Variants in TGM7 observed in about 807,000 individuals in gnomAD.
The protein encoded by TGM7 is protein-glutamine gamma-glutamyltransferase Z.
TGM7 carries 74 observed loss-of-function variants against 79.5 expected under a neutral mutation model. The observed-to-expected ratio is 0.93, with a 90% CI of 0.77 to 1.13. TGM7 has a LOEUF of 1.13. Among genes scored for constraint, TGM7 ranks in the 50% most tolerant of loss-of-function variants. The pLI, the probability that TGM7 is intolerant of heterozygous loss-of-function variation, is 0.00. For synonymous variants in TGM7, 354 were observed against 362.5 expected (o/e 0.98, Z 0.27); for missense variants, 912 against 905.9 (o/e 1.01, Z -0.09).
rs759074799 is a variant in TGM7 at position 43,287,280 on chromosome 15, C to T, written c.865G>A (p.Val289Ile). The change falls in exon 6 of 13, where the codon GTA becomes ATA. Residue 289 changes from valine to isoleucine, a missense_variant and splice_region_variant. By Grantham distance (29) the Val-to-Ile change is conservative. Coordinates refer to ENST00000452443, the MANE Select transcript of TGM7 (RefSeq NM_052955.3). ...CCTAAGTGAGTGATCTTTCGCTCAC[C>T]GGTGCACATAACAGAGGCGAAGACC... ...CWVFASVMCTVMRCLGVPTRV... is the reference protein window; with the variant it reads ...CWVFASVMCTIMRCLGVPTRV... The T allele has an allele frequency of 5.6e-6, 9 of 1,612,304 alleles. No homozygotes were observed. The highest frequency in any genetic ancestry group is 2.7e-5 in the African/African-American group (2 of 74,850).
At chr15:43,292,579 T>C (rs1191583820) in intron 3 of TGM7, 130 bp downstream of exon 3, 2 of 1,174,222 alleles carry the variant, frequency 1.7e-6, no homozygotes, top group Non-Finnish European at 2.4e-6. Context: ...GTAAAGATGA[T>C]TTTTGTGAGA....
intron 2 of TGM7, 47 bp downstream of exon 2, chr15:43,293,402 C>A: frequency 6.5e-7 from 1 of 1,537,330 alleles, no homozygotes; most frequent in South Asian, 1.2e-5. Flanking sequence ...CTGTAAATGC[C>A]CTCATTTTGA....
Position 43,292,929 on chromosome 15 carries a change from C to T in TGM7, c.219G>A (p.Gly73=), listed in dbSNP as rs1214773478. 6.2e-7 allele frequency: 1 copy of T among 1,613,384 alleles called. No homozygotes were observed. The highest frequency in any genetic ancestry group is 1.7e-5 in the Admixed American group (1 of 60,012). The stretch of plus-strand genomic sequence containing the variant: ...GGGTGAGGAAGAATGTGGCTCGGGT[C>T]CCCAGCAGCTCTGACGGCTTGGGTC... The part of the protein sequence containing the change: ...ETGPKPSELL[G]TRATFFLTRV... Residue 73 remains glycine, a synonymous_variant, in exon 3 of 13, where the codon GGG becomes GGA. Coordinates refer to ENST00000452443, the MANE Select transcript of TGM7 (RefSeq NM_052955.3).
chr15:43,277,085 C>A (rs1412963186), intron 11 of TGM7, 90 bp from the exon 12 acceptor site: 5 of 1,524,040 alleles, frequency 3.3e-6, no homozygotes, highest in South Asian at 1.2e-5. Flanking sequence ...TCCCTGGCGA[C>A]CACCAGGAAC....
In TGM7 at chr15:43,281,881, C is replaced by T. The variant is rs1389309299; in HGVS notation, c.1314G>A (p.Gln438=). 2 of 1,614,226 alleles carry T rather than the reference C, an allele frequency of 1.2e-6. No homozygotes were observed. Among genetic ancestry groups the T allele is most frequent in the Non-Finnish European group, 1.7e-6 (2 of 1,180,030 alleles). ...EISTKMVGSD[Q]RQSITSSYKY... ...TGTAGGAGCTGGTGATGCTCTGGCG[C>T]TGGTCTGACCCCACCATCTTAGTGC... Residue 438 remains glutamine, a synonymous_variant, in exon 9 of 13, where the codon CAG becomes CAA. Transcript: ENST00000452443.
At chr15:43,287,713 C>A in intron 4 of TGM7, 44 bp from the exon 5 acceptor site, 2 of 1,577,508 alleles carry the variant, frequency 1.3e-6, no homozygotes, top group Non-Finnish European at 1.7e-6. Flanking sequence ...GAGCAAATGT[C>A]TAGACTTCTG....
intron 3 of TGM7, 78 bp from the exon 4 acceptor site, chr15:43,292,175 C>A: frequency 1.0e-6 from 1 of 984,682 alleles, no homozygotes; most frequent in South Asian, 1.4e-5. Flanking sequence ...ACAGTAACGA[C>A]AACGTGTTTC....
rs746157324 is a variant in TGM7, at chr15:43,292,892, C to T, written c.256G>A (p.Gly86Arg). Reference protein sequence around the residue: ...ATFFLTRVQPGNVWSASDFTI... With the variant: ...ATFFLTRVQPRNVWSASDFTI... ...AAATCAGAAGCGCTCCAGACATTCC[C>T]GGGCTGGACCCGGGTGAGGAAGAAT... The change falls in exon 3 of 13, where the codon GGG becomes AGG. Residue 86 changes from glycine to arginine, a missense_variant. Coordinates refer to ENST00000452443, the MANE Select transcript of TGM7 (RefSeq NM_052955.3). 66 of 1,613,764 alleles carry T rather than the reference C, an allele frequency of 4.1e-5. 1 individual carries two copies. The highest frequency in any genetic ancestry group is 2.3e-4 in the South Asian group (21 of 91,076).
At chr15:43,289,693 G>T (rs561316136) in intron 4 of TGM7, among the ~76,000 whole-genome samples, 40 of 152,306 alleles carry the variant, frequency 2.6e-4, no homozygotes, top group Non-Finnish European at 3.4e-4. Context: ...GTGTAAAAGT[G>T]TTCCGATTTC....
rs928093153 is a variant in TGM7 at position 43,276,542 on chromosome 15, G to A, written c.2046C>T (p.Arg682=). The change falls in exon 13 of 13, where the codon CGC becomes CGT. Residue 682 remains arginine (R), a synonymous_variant. Coordinates refer to ENST00000452443, the MANE Select transcript of TGM7 (RefSeq NM_052955.3). ...LDLYPTKAGP[R]QLQVLISSNE... The stretch of plus-strand genomic sequence containing the variant: ...TGCTGCTGATGAGAACCTGGAGCTG[G>A]CGGGGTCCAGCTTTGGTCGGGTAGA... 3.1e-6 allele frequency: 5 copies of A among 1,614,058 alleles called. No homozygotes were observed. The highest frequency in any genetic ancestry group is 4.2e-6 in the Non-Finnish European group (5 of 1,180,032).
intron 7 of TGM7, among the ~76,000 whole-genome samples, chr15:43,284,209 A>C (rs1025387745): frequency 6.6e-6 from 1 of 152,184 alleles, no homozygotes; most frequent in African/African-American, 2.4e-5. Context: ...AAAAACAAAC[A>C]AACCAACACA....
intron 10 of TGM7, 69 bp downstream of exon 10, chr15:43,279,556 C>T: frequency 2.0e-6 from 3 of 1,498,780 alleles, no homozygotes; most frequent in Non-Finnish European, 2.7e-6. Flanking sequence ...GCTGGGCCCA[C>T]CCCACTGTGT....
At position 43,276,318 on chromosome 15, in the gene TGM7, C is replaced by T. The variant is rs184493363; in HGVS notation, c.*137G>A. ...CTTTATTGTCTCTTCCCAAAGCACA[C>T]GGTGTTTCTAACAGAGCTTCATTCA... On this transcript the variant is annotated 3_prime_UTR_variant, in exon 13 of 13. Coordinates refer to ENST00000452443, the MANE Select transcript of TGM7 (RefSeq NM_052955.3). The T allele has an allele frequency of 2.6e-4, 265 of 1,004,918 alleles. 1 individual carries two copies. Among genetic ancestry groups the T allele is most frequent in the South Asian group, 1.4e-3 (86 of 61,884 alleles). The allele number at this position is 1,004,918 out of a possible 1,614,324, so 62.3% of individuals were successfully genotyped here.
Position 43,279,178 on chromosome 15 carries a change from G to A in TGM7, c.1778C>T (p.Thr593Ile). Reference protein sequence around the residue: ...RVSGIAEVEETGRSMLVLKDI... With the variant: ...RVSGIAEVEEIGRSMLVLKDI... ...TTTTAGGACCAGCATGGACCTCCCT[G>A]TCTCTTCAACCTCCGCGATGCCAGA... Residue 593 changes from threonine to isoleucine, a missense_variant, in exon 11 of 13, where the codon ACA becomes ATA. By Grantham distance (89) the Thr-to-Ile change is moderately conservative. Transcript: ENST00000452443. The A allele has an allele frequency of 6.2e-7, 1 of 1,614,128 alleles. No individual in the cohort carries two copies. Among genetic ancestry groups the A allele is most frequent in the African/African-American group, 1.3e-5 (1 of 75,036 alleles).
At chr15:43,293,419 C>T in intron 2 of TGM7, 30 bp downstream of exon 2, 1 of 1,561,148 alleles carries the variant, frequency 6.4e-7, no homozygotes, top group Non-Finnish European at 8.7e-7. Context: ...TTGACGGAAC[C>T]TGCGGGGCCT....
chr15:43,292,139 A>G lies in TGM7; in HGVS notation c.440-42T>C, dbSNP rs371835698. The G allele has an allele frequency of 5.6e-5, 76 of 1,346,828 alleles. No homozygotes were observed. In the African/African-American group the frequency reaches 9.4e-4, roughly 17 times the overall value. The allele number at this position is 1,346,828 out of a possible 1,614,324, so 83.4% of individuals were successfully genotyped here. A position where few individuals can be genotyped will look rare whatever the true frequency, so the allele number is the denominator to read the frequency against. ...AGTGGAGGGGGCAAAACCCCAAACC[A>G]AAAAAACAGAGTATTAAATTAAAAA... On this transcript the variant is annotated intron_variant, in intron 3 of 12. Coordinates refer to ENST00000452443, the MANE Select transcript of TGM7 (RefSeq NM_052955.3).
intron 1 of TGM7, among the ~76,000 whole-genome samples, chr15:43,298,939 C>T (rs531769008): frequency 3.0e-4 from 46 of 151,716 alleles, no homozygotes; most frequent in African/African-American, 1.1e-3. Context: ...AACTTGATTC[C>T]TCTTATCTGA....
At chr15:43,285,382 A>C (rs1426565416) in intron 6 of TGM7, among the ~76,000 whole-genome samples, 1 of 152,180 alleles carries the variant, frequency 6.6e-6, no homozygotes, top group Non-Finnish European at 1.5e-5. Context: ...AAATACAAAA[A>C]AAAATTAGCT....
intron 3 of TGM7, 72 bp downstream of exon 3, chr15:43,292,637 C>T: frequency 1.3e-6 from 2 of 1,571,726 alleles, no homozygotes; most frequent in Non-Finnish European, 1.7e-6. Context: ...ATTTTCTGGG[C>T]TTTTTCCAAA....
Sources: allele counts gnomAD v4.1 joint callset (sites outside exome capture counted in the v4.1 genomes callset), GRCh38; gene constraint gnomAD v4.1.1; transcripts MANE v1.5; gene names NCBI Gene and HGNC (gene_info 2026-07-23, HGNC 2026-07-21).